Variants in NRP1 observed in about 807,000 individuals in gnomAD.
NRP1 encodes the protein neuropilin 1.
NRP1 carries 35 observed loss-of-function variants against 106.7 expected under a neutral mutation model. That is an observed-to-expected ratio of 0.33 (90% CI 0.25 to 0.43). The LOEUF (loss-of-function observed/expected upper bound fraction) is 0.43. NRP1 is among the 20% of genes least tolerant of loss of function. NRP1 has a pLI of 1.00. For synonymous variants in NRP1, 437 were observed against 417.9 expected, an observed-to-expected ratio of 1.05 and a Z score of -0.56; for missense variants, 1,024 against 1,170.4, an observed-to-expected ratio of 0.87 and a Z score of 1.83.
chr10:33,315,662 G>T (rs1446006095), intron 2 of NRP1, among the ~76,000 whole-genome samples: 2 of 152,202 alleles, frequency 1.3e-5, no homozygotes, highest in African/African-American at 4.8e-5. Flanking sequence ...ATACAGAATA[G>T]CATAAGGAAC....
intron 2 of NRP1, among the ~76,000 whole-genome samples, chr10:33,316,408 C>T (rs11009337): frequency 0.087 from 13,199 of 152,114 alleles, 773 homozygotes; most frequent in East Asian, 0.28. Context: ...TAGGAAGCTG[C>T]AAAGTTTGTT....
intron 6 of NRP1, among the ~76,000 whole-genome samples, chr10:33,250,909 A>G (rs961331061): frequency 6.6e-6 from 1 of 152,208 alleles, no homozygotes; most frequent in African/African-American, 2.4e-5. Flanking sequence ...GTTGCCCCTC[A>G]GAAGTTAAGT....
chr10:33,184,281 G>T (rs1476062995), intron 15 of NRP1, among the ~76,000 whole-genome samples: 1 of 152,214 alleles, frequency 6.6e-6, no homozygotes, highest in Non-Finnish European at 1.5e-5. Flanking sequence ...CTCCCAAAGT[G>T]CTGGGATGAC....
At chr10:33,231,181 C>G (rs1840098385) in intron 6 of NRP1, among the ~76,000 whole-genome samples, 2 of 152,180 alleles carry the variant, frequency 1.3e-5, no homozygotes. Flanking sequence ...GGCTAAACCC[C>G]TTTATAGCTC....
intron 2 of NRP1, among the ~76,000 whole-genome samples, chr10:33,290,383 C>T (rs1184916773): frequency 1.3e-5 from 2 of 148,716 alleles, no homozygotes; most frequent in Non-Finnish European, 3.0e-5. Flanking sequence ...ATAGGGGCCA[C>T]CAAGGCATGA....
At chr10:33,330,159 C>A (rs1383825240) in intron 2 of NRP1, among the ~76,000 whole-genome samples, 2 of 152,098 alleles carry the variant, frequency 1.3e-5, no homozygotes, top group Non-Finnish European at 2.9e-5. Flanking sequence ...ATTTACAAAA[C>A]CCCTCATCTG....
intron 1 of NRP1, among the ~76,000 whole-genome samples, chr10:33,331,122 C>T (rs1848255852): frequency 6.6e-6 from 1 of 152,136 alleles, no homozygotes; most frequent in African/African-American, 2.4e-5. Flanking sequence ...TTCCCCCCAG[C>T]CCCGAAGTTT....
rs555441773 is a variant in NRP1, at chr10:33,180,443, C to A, written c.2483-78G>T. ...AAGCAGACAGAAAAATAGAAAGGAA[C>A]GAAACAGGAGCAAATCACACACCCC... On this transcript the variant is annotated intron_variant, in intron 16 of 16. Transcript: ENST00000374867. The A allele has an allele frequency of 1.3e-5, 18 of 1,413,008 alleles. No individual in the cohort carries two copies. In the African/African-American group the frequency reaches 2.2e-4, roughly 17 times the overall value. 87.5% of individuals were successfully genotyped at this position (1,413,008 alleles called of 1,614,324 possible).
At chr10:33,321,565 TA>T (rs748682729) in intron 2 of NRP1, among the ~76,000 whole-genome samples, 5 of 152,234 alleles carry the variant, frequency 3.3e-5, no homozygotes, top group Non-Finnish European at 5.9e-5. Context: ...CTTTTTTCTT[TA>T]AATGTAAGAA....
chr10:33,285,313 C>A (rs1844440137), intron 2 of NRP1, among the ~76,000 whole-genome samples: 1 of 152,074 alleles, frequency 6.6e-6, no homozygotes, highest in East Asian at 1.9e-4. Context: ...TATAATAGAC[C>A]AAGGTTGCAT....
At chr10:33,208,867 A>G (rs1054114188) in intron 9 of NRP1, among the ~76,000 whole-genome samples, 9 of 151,758 alleles carry the variant, frequency 5.9e-5, no homozygotes, top group Non-Finnish European at 1.2e-4. Flanking sequence ...GGTGAAAAAG[A>G]AAACTGATAA....
At chr10:33,246,809 C>T (rs540545466) in intron 6 of NRP1, among the ~76,000 whole-genome samples, 2 of 152,182 alleles carry the variant, frequency 1.3e-5, no homozygotes, top group African/African-American at 4.8e-5. Flanking sequence ...TTAATACACC[C>T]CCTAAAGTGT....
intron 2 of NRP1, among the ~76,000 whole-genome samples, chr10:33,297,911 T>C (rs954821351): frequency 1.4e-5 from 2 of 144,516 alleles, no homozygotes; most frequent in Non-Finnish European, 3.0e-5. Context: ...TAGGATGCTA[T>C]TCTAAGAAAA....
At chr10:33,277,758 T>C (rs1273796564) in intron 2 of NRP1, among the ~76,000 whole-genome samples, 10 of 152,214 alleles carry the variant, frequency 6.6e-5, no homozygotes, top group Non-Finnish European at 1.2e-4. Context: ...TATTGCTTTA[T>C]TATATTGTCC....
intron 12 of NRP1, chr10:33,194,763 T>C (rs771747305): frequency 1.9e-6 from 1 of 527,314 alleles, no homozygotes; most frequent in Non-Finnish European, 3.9e-6. Flanking sequence ...AGGTTCAATG[T>C]GGAAACTTCC....
At chr10:33,187,166 C>A (rs549042027) in intron 13 of NRP1, among the ~76,000 whole-genome samples, 31 of 152,300 alleles carry the variant, frequency 2.0e-4, no homozygotes, top group Middle Eastern at 6.8e-3. Flanking sequence ...ATCCACCACG[C>A]TGGGCCCAAG....
At chr10:33,251,871 GC>G (rs1423100791) in intron 6 of NRP1, among the ~76,000 whole-genome samples, 1 of 152,104 alleles carries the variant, frequency 6.6e-6, no homozygotes, top group Admixed American at 6.5e-5. Context: ...AGGCAAGAGC[GC>G]GGTCCCTTTA....
intron 2 of NRP1, among the ~76,000 whole-genome samples, chr10:33,314,091 C>G (rs1011068992): frequency 2.2e-5 from 3 of 137,526 alleles, no homozygotes; most frequent in Admixed American, 7.3e-5. Context: ...TCCTCTCTCT[C>G]TCTCTATTTT....
intron 6 of NRP1, among the ~76,000 whole-genome samples, chr10:33,238,030 A>C (rs1402187839): frequency 6.6e-6 from 1 of 152,192 alleles, no homozygotes; most frequent in Non-Finnish European, 1.5e-5. Context: ...GGCTAGTGAC[A>C]GAAGGACAAT....
Sources: gnomAD v4.1 joint callset for allele counts (sites outside exome capture counted in the v4.1 genomes callset) on GRCh38, gnomAD v4.1.1 for gene constraint, MANE v1.5 for transcripts, NCBI Gene and HGNC (gene_info 2026-07-23, HGNC 2026-07-21) for gene names.